DCC: variants seen among roughly 807,000 people sequenced by gnomAD.
DCC encodes the protein DCC netrin 1 receptor.
In DCC, 58 loss-of-function variants were observed where a neutral mutation model predicts 172.5. That is an observed-to-expected ratio of 0.34 (90% CI 0.27 to 0.42). The LOEUF is 0.42. Among genes scored for constraint, DCC ranks in the 10% least tolerant of loss-of-function variants. The pLI is 1.00. For synonymous variants in DCC, 709 were observed against 644.5 expected, an observed-to-expected ratio of 1.10 and a Z score of -1.52; for missense variants, 1,740 against 1,791.0, an observed-to-expected ratio of 0.97 and a Z score of 0.51.
At chr18:53,055,745 T>C (rs749947053) in intron 5 of DCC, among the ~76,000 whole-genome samples, 1 of 152,062 alleles carries the variant, frequency 6.6e-6, no homozygotes, top group Non-Finnish European at 1.5e-5. Flanking sequence ...GAGAGAAATA[T>C]TAAGCAGACT....
chr18:53,336,449 CT>C (rs1307085206), intron 14 of DCC, among the ~76,000 whole-genome samples: 2 of 152,148 alleles, frequency 1.3e-5, no homozygotes, highest in Admixed American at 6.6e-5. Flanking sequence ...TATGAACAAT[CT>C]CCTGGCGTAG....
At chr18:53,194,747 G>T (rs905483459) in intron 9 of DCC, among the ~76,000 whole-genome samples, 6 of 152,192 alleles carry the variant, frequency 3.9e-5, no homozygotes, top group African/African-American at 1.4e-4. Context: ...TGGGATTACA[G>T]GTGTGAGCCA....
At chr18:52,760,693 T>C (rs1050782956) in intron 2 of DCC, among the ~76,000 whole-genome samples, 1 of 152,234 alleles carries the variant, frequency 6.6e-6, no homozygotes, top group African/African-American at 2.4e-5. Context: ...TTTATGTGTA[T>C]GGTAAAATAT....
At chr18:52,935,344 G>A (rs1309012142) in intron 5 of DCC, among the ~76,000 whole-genome samples, 1 of 149,120 alleles carries the variant, frequency 6.7e-6, no homozygotes, top group African/African-American at 2.5e-5. Context: ...TATATTTTAG[G>A]TCTTATATTT....
chr18:52,490,072 G>A (rs565586353), intron 1 of DCC, among the ~76,000 whole-genome samples: 11 of 152,090 alleles, frequency 7.2e-5, no homozygotes, highest in African/African-American at 2.6e-4. Context: ...AGAGCTGTTG[G>A]GCTCTTTAAT....
At chr18:53,448,052 T>G (rs1045456342) in intron 22 of DCC, among the ~76,000 whole-genome samples, 30 of 149,378 alleles carry the variant, frequency 2.0e-4, no homozygotes, top group African/African-American at 7.0e-4. Context: ...GATGAGTTTT[T>G]TTTTTTTTTT....
intron 20 of DCC, among the ~76,000 whole-genome samples, chr18:53,415,610 C>A (rs1449335660): frequency 6.6e-6 from 1 of 152,102 alleles, no homozygotes; most frequent in Non-Finnish European, 1.5e-5. Context: ...TTGTCAACAA[C>A]AACTCAGGAG....
intron 1 of DCC, among the ~76,000 whole-genome samples, chr18:52,498,920 C>T (rs1026681141): frequency 1.3e-5 from 2 of 152,102 alleles, no homozygotes; most frequent in Non-Finnish European, 1.5e-5. Context: ...TCTCCTGTTA[C>T]CTTGAGAATT....
chr18:53,188,734 G>C (rs555027976), intron 9 of DCC, among the ~76,000 whole-genome samples: 2 of 152,268 alleles, frequency 1.3e-5, no homozygotes, highest in South Asian at 4.1e-4. Context: ...CGAGGTGTCA[G>C]TAGGGCTATA....
At chr18:53,138,338 G>A (rs144353640) in intron 7 of DCC, among the ~76,000 whole-genome samples, 1 of 152,056 alleles carries the variant, frequency 6.6e-6, no homozygotes, top group Non-Finnish European at 1.5e-5. Flanking sequence ...TTCTTGAACA[G>A]TGACTGCATT....
chr18:52,415,304 A>C (rs1378777778), intron 1 of DCC, among the ~76,000 whole-genome samples: 1 of 152,064 alleles, frequency 6.6e-6, no homozygotes, highest in Non-Finnish European at 1.5e-5. Flanking sequence ...AGTGCGGCAT[A>C]GTGCCTCTGA....
intron 1 of DCC, among the ~76,000 whole-genome samples, chr18:52,650,979 C>G (rs915213182): frequency 6.6e-6 from 1 of 152,048 alleles, no homozygotes. Flanking sequence ...AGTCTTCCTA[C>G]CCTAAATTAT....
chr18:52,852,021 C>CA (rs888937667), intron 2 of DCC, among the ~76,000 whole-genome samples: 11 of 152,000 alleles, frequency 7.2e-5, no homozygotes, highest in African/African-American at 4.8e-5. Flanking sequence ...TTCAGCTATT[C>CA]AAAATAGATT....
At chr18:53,178,779 G>C (rs1197547889) in intron 8 of DCC, among the ~76,000 whole-genome samples, 183 bp from the exon 9 acceptor site, 1 of 152,138 alleles carries the variant, frequency 6.6e-6, no homozygotes, top group Non-Finnish European at 1.5e-5. Flanking sequence ...ACATTTATTT[G>C]TAGGTCCTTC....
intron 1 of DCC, among the ~76,000 whole-genome samples, chr18:52,619,753 C>A (rs62083425): frequency 0.25 from 37,266 of 152,038 alleles, 5,145 homozygotes; most frequent in Middle Eastern, 0.34. Context: ...AAAATTTTAA[C>A]CTTACCTAGA....
chr18:52,797,424 A>G (rs2037897202), intron 2 of DCC, among the ~76,000 whole-genome samples: 1 of 152,192 alleles, frequency 6.6e-6, no homozygotes. Context: ...ATTTTCCTAC[A>G]GATGTATTAT....
At chr18:53,008,436 T>G (rs992040382) in intron 5 of DCC, among the ~76,000 whole-genome samples, 1 of 152,084 alleles carries the variant, frequency 6.6e-6, no homozygotes, top group African/African-American at 2.4e-5. Context: ...TGGTAGAATT[T>G]ATCTGTTTTC....
At chr18:52,349,657 A>C (rs913119332) in intron 1 of DCC, among the ~76,000 whole-genome samples, 1 of 152,054 alleles carries the variant, frequency 6.6e-6, no homozygotes, top group African/African-American at 2.4e-5. Flanking sequence ...TGTTCTTTCC[A>C]TTACCCTTGT....
At chr18:52,633,563 A>G (rs1211174506) in intron 1 of DCC, among the ~76,000 whole-genome samples, 3 of 152,188 alleles carry the variant, frequency 2.0e-5, no homozygotes, top group Non-Finnish European at 4.4e-5. Context: ...AGACCCCACA[A>G]TGCCAAAGAT....
Sources: allele counts gnomAD v4.1 joint callset (sites outside exome capture counted in the v4.1 genomes callset), GRCh38; gene constraint gnomAD v4.1.1; transcripts MANE v1.5; gene names NCBI Gene and HGNC (gene_info 2026-07-23, HGNC 2026-07-21).